PML: variants seen among roughly 807,000 people sequenced by gnomAD.
PML encodes the protein PML nuclear body scaffold, also known as protein PML.
A neutral mutation model predicts 65.2 loss-of-function variants in PML; 28 were observed. The ratio of observed to expected loss-of-function variants is 0.43; its 90% CI spans 0.32 to 0.59. PML has a LOEUF of 0.59. Among genes scored for constraint, PML ranks in the 20% least tolerant of loss-of-function variants. The pLI is 0.08. For synonymous variants in PML, 500 were observed against 508.8 expected, an observed-to-expected ratio of 0.98 and a Z score of 0.23; for missense variants, 1,021 against 1,203.4, an observed-to-expected ratio of 0.85 and a Z score of 2.24.
Position 74,043,415 on chromosome 15 carries a change from G to A in PML, c.1861+276G>A, listed in dbSNP as rs1171348049. ...GACCAGTTCTTCTCTCAGACAGAGA[G>A]CCTGGGGAACACACTCCTAGACAGA... On this transcript the variant is annotated intron_variant, in intron 8 of 8. Transcript: ENST00000268058. This position sits in a 1 kb window ranked among gnomAD's most constrained non-coding sequence, Gnocchi z 4.3. 30 of 1,412,922 alleles carry A rather than the reference G, an allele frequency of 2.1e-5. No individual in the cohort carries two copies. Among genetic ancestry groups the A allele is most frequent in the East Asian group, 7.8e-5 (3 of 38,662 alleles). The allele number at this position is 1,412,922 out of a possible 1,614,324, so 87.5% of individuals were successfully genotyped here.
chr15:74,046,941 G>C lies in PML; in HGVS notation c.*1933G>C. The C allele has an allele frequency of 4.3e-6, 1 of 229,938 alleles. No homozygotes were observed. The highest frequency in any genetic ancestry group is 8.6e-6 in the Non-Finnish European group (1 of 115,896). The allele number at this position is 229,938 out of a possible 1,614,324, so 14.2% of individuals were successfully genotyped here. On this transcript the variant is annotated 3_prime_UTR_variant, in exon 9 of 9. Transcript: ENST00000268058. ...GACTTAGCAGAGCTGAGAGCCCTTTGTTGCTCAATGCTGTGAGCCTTAAGC... is the reference window on the plus strand; with the variant it reads ...GACTTAGCAGAGCTGAGAGCCCTTTCTTGCTCAATGCTGTGAGCCTTAAGC...
chr15:74,021,511 G>T (rs1008503141), intron 2 of PML, among the ~76,000 whole-genome samples: 6 of 152,088 alleles, frequency 3.9e-5, no homozygotes, highest in African/African-American at 1.4e-4. Context: ...CTTGAACCCG[G>T]GAGGCAGAGG....
At chr15:74,002,875 C>A (rs1288832069) in intron 2 of PML, among the ~76,000 whole-genome samples, 1 of 152,128 alleles carries the variant, frequency 6.6e-6, no homozygotes, top group African/African-American at 2.4e-5. Flanking sequence ...CCTGTAATCC[C>A]AACACTTTGG....
chr15:74,018,822 G>A lies in PML; in HGVS notation c.603-4006G>A, dbSNP rs377338200. Among the ~76,000 whole-genome samples, 203 of 152,300 alleles carry A rather than the reference G, an allele frequency of 1.3e-3. 1 individual carries two copies. The highest frequency in any genetic ancestry group is 4.7e-3 in the African/African-American group (194 of 41,552). ...GTGGTGTTTTTGCTTATTGTTTTGA[G>A]TATTCCAGAAGCAAATAGATGTTAT... On this transcript the variant is annotated intron_variant, in intron 2 of 8. Coordinates refer to ENST00000268058, the MANE Select transcript of PML (RefSeq NM_033238.3).
Position 74,044,312 on chromosome 15 carries a change from G to A in PML, c.1953G>A (p.Lys651=). 6.2e-7 allele frequency: 1 copy of A among 1,614,130 alleles called. No individual in the cohort carries two copies. The highest frequency in any genetic ancestry group is 1.1e-5 in the South Asian group (1 of 91,086). ...AAGCCTTCTTCAGCATCTACTCCAA[G>A]GCCGTGTCCCTGGAGGTGGGGCTGC... The part of the protein sequence containing the change: ...QPEAFFSIYS[K]AVSLEVGLQH... The change falls in exon 9 of 9, where the codon AAG becomes AAA. Residue 651 remains lysine, a synonymous_variant. Transcript: ENST00000268058.
At chr15:74,014,388 G>A (rs1196381607) in intron 2 of PML, among the ~76,000 whole-genome samples, 1 of 151,792 alleles carries the variant, frequency 6.6e-6, no homozygotes, top group Non-Finnish European at 1.5e-5. Context: ...CAGTAGCGCA[G>A]TGGCGTGATC....
In PML at chr15:73,998,174, C is replaced by T; in HGVS notation, c.300C>T (p.Asp100=). Residue 100 remains aspartate (D), a synonymous_variant, in exon 2 of 9, where the codon GAC becomes GAT. Transcript: ENST00000268058. ...ICQAPWPLGA[D]TPALDNVFFE... is the part of the protein sequence containing the mutation. Reference sequence around the variant, plus strand: ...AGGCGCCCTGGCCCCTAGGTGCAGACACACCCGCCCTGGATAACGTCTTTT... The same window carrying T: ...AGGCGCCCTGGCCCCTAGGTGCAGATACACCCGCCCTGGATAACGTCTTTT... The T allele has an allele frequency of 6.2e-7, 1 of 1,614,220 alleles. No individual in the cohort carries two copies. Among genetic ancestry groups the T allele is most frequent in the Non-Finnish European group, 8.5e-7 (1 of 1,180,036 alleles).
Position 74,035,783 on chromosome 15 carries a change from C to T in PML, c.1710+1253C>T, listed in dbSNP as rs145127312. The stretch of plus-strand genomic sequence containing the variant: ...TGGTGGGGGCAGGGGAAAGCAGAGC[C>T]CAGACTCTTGGAGCAGGTGTTCCCC... On this transcript the variant is annotated intron_variant, in intron 7 of 8. Coordinates refer to ENST00000268058, the MANE Select transcript of PML (RefSeq NM_033238.3). The surrounding 1 kb of genome is among the most constrained non-coding windows in gnomAD (Gnocchi z 4.1). 6.2e-6 allele frequency: 10 copies of T among 1,613,988 alleles called. No individual in the cohort carries two copies. In the African/African-American group the frequency reaches 1.2e-4, roughly 19 times the overall value.
In PML at chr15:74,043,347, C is replaced by T. The variant is rs1294439526; in HGVS notation, c.1861+208C>T. 1 of 1,449,250 alleles carries T rather than the reference C, an allele frequency of 6.9e-7. No individual in the cohort carries two copies. The highest frequency in any genetic ancestry group is 2.5e-5 in the East Asian group (1 of 40,332). The allele number at this position is 1,449,250 out of a possible 1,614,324, so 89.8% of individuals were successfully genotyped here. A position where few individuals can be genotyped will look rare whatever the true frequency, so the allele number is the denominator to read the frequency against. ...TAAAGATGTCCGCCTTATCCAGTGC[C>T]TGAGTGTGCGAGAGAGGCAGATGCC... On this transcript the variant is annotated intron_variant, in intron 8 of 8. Coordinates refer to ENST00000268058, the MANE Select transcript of PML (RefSeq NM_033238.3). The surrounding 1 kb of genome is among the most constrained non-coding windows in gnomAD (Gnocchi z 4.3).
At chr15:74,030,954 A>AT (rs750270082) in intron 4 of PML, among the ~76,000 whole-genome samples, 8 of 151,750 alleles carry the variant, frequency 5.3e-5, no homozygotes, top group Admixed American at 5.2e-4. Context: ...AAATGATTAA[A>AT]TTTTTTTCTT....
rs982973787 is a variant in PML, at chr15:74,047,176, T to G, written c.*2168T>G. On this transcript the variant is annotated 3_prime_UTR_variant, in exon 9 of 9. Coordinates refer to ENST00000268058, the MANE Select transcript of PML (RefSeq NM_033238.3). ...TGTACTTCTCTCTGTGTTCCTTGAG[T>G]GACAGGTGGTAAAACCCTTAAAAAG... 4 of 231,014 alleles carry G rather than the reference T, an allele frequency of 1.7e-5. No homozygotes were observed. The highest frequency in any genetic ancestry group is 3.4e-5 in the Non-Finnish European group (4 of 116,752). The allele number at this position is 231,014 out of a possible 1,614,324, so 14.3% of individuals were successfully genotyped here.
In PML at chr15:74,016,866, G is replaced by T. The variant is rs184085276; in HGVS notation, c.603-5962G>T. Among the ~76,000 whole-genome samples, 109 of 130,506 alleles carry T rather than the reference G, an allele frequency of 8.4e-4. 1 individual carries two copies. The highest frequency in any genetic ancestry group is 7.4e-3 in the Admixed American group (80 of 10,860). The allele number at this position is 130,506 out of a possible 152,430, so 85.6% of individuals were successfully genotyped here. A position where few individuals can be genotyped will look rare whatever the true frequency, so the allele number is the denominator to read the frequency against. ...GGCTGGAGTGCAGTGGTGCGATCTT[G>T]GCTCACTGCAAGCTCCGCCTCCCGG... On this transcript the variant is annotated intron_variant, in intron 2 of 8. Transcript: ENST00000268058.
chr15:74,036,630 T>C (rs2071569828), intron 7 of PML, among the ~76,000 whole-genome samples: 1 of 152,028 alleles, frequency 6.6e-6, no homozygotes, highest in African/African-American at 2.4e-5. Context: ...CCTCTCAGGG[T>C]GGGCCCCATG....
chr15:74,029,125 C>G lies in PML; in HGVS notation c.1255-3447C>G, dbSNP rs143372781. ...GCACCATTTGACATTTCCACCAGCACCGTGTAAAAGTTTCGACTTCTCTAC... is the reference window on the plus strand; with the variant it reads ...GCACCATTTGACATTTCCACCAGCAGCGTGTAAAAGTTTCGACTTCTCTAC... On this transcript the variant is annotated intron_variant, in intron 4 of 8. Coordinates refer to ENST00000268058, the MANE Select transcript of PML (RefSeq NM_033238.3). 4.2e-4 allele frequency among the ~76,000 whole-genome samples: 64 copies of G among 152,222 alleles called. No individual in the cohort carries two copies. The East Asian group carries it at 0.012, about 27-fold the overall frequency.
At position 74,023,342 on chromosome 15, in the gene PML, A is replaced by T; in HGVS notation, c.1117A>T (p.Thr373Ser). ...CCAGAGCCTGCAAGCTGCCGTGCGC[A>T]CCGATGGCTTCGACGAGTTCAAGGT... is the stretch of plus-strand genomic sequence containing the variant. ...EPQSLQAAVR[T>S]DGFDEFKVRL... The change falls in exon 3 of 9, where the codon ACC (threonine) becomes TCC (serine). Residue 373 changes from threonine (T) to serine (S), a missense_variant. Coordinates refer to ENST00000268058, the MANE Select transcript of PML (RefSeq NM_033238.3). 6.2e-7 allele frequency: 1 copy of T among 1,604,638 alleles called. No individual in the cohort carries two copies. Among genetic ancestry groups the T allele is most frequent in the Non-Finnish European group, 8.5e-7 (1 of 1,179,928 alleles).
At chr15:74,011,644 G>A (rs149072686) in intron 2 of PML, among the ~76,000 whole-genome samples, 14 of 152,336 alleles carry the variant, frequency 9.2e-5, no homozygotes, top group African/African-American at 3.1e-4. Flanking sequence ...GGAATGGGCT[G>A]TTCAGGCTGC....
chr15:74,034,479 G>C lies in PML; in HGVS notation c.1659G>C (p.Glu553Asp). 6.2e-7 allele frequency: 1 copy of C among 1,614,140 alleles called. No individual in the cohort carries two copies. ...TGCATCTCCCCTTCCCCGTTTCAGA[G>C]GAACGCGTTGTGGTGATCAGCAGCT... ...NHVASGAGEA[E>D]ERVVVISSSE... Residue 553 changes from glutamate (E) to aspartate (D), a missense_variant and splice_region_variant, in exon 7 of 9, where the codon GAG becomes GAC. By Grantham distance (45) the Glu-to-Asp change is conservative. Transcript: ENST00000268058.
Position 74,037,019 on chromosome 15 carries a change from C to T in PML, c.1710+2489C>T. ...GCAGCTCCCTGCCCAGCAGAAAATC[C>T]TGGAAGGACTCAGGAGCTTGTCGCC... On this transcript the variant is annotated intron_variant, in intron 7 of 8. Transcript: ENST00000268058. This position sits in a 1 kb window ranked among gnomAD's most constrained non-coding sequence, Gnocchi z 4.2. The T allele has an allele frequency of 1.0e-6, 1 of 985,470 alleles. No homozygotes were observed. Among genetic ancestry groups the T allele is most frequent in the Non-Finnish European group, 1.2e-6 (1 of 829,932 alleles). The allele number at this position is 985,470 out of a possible 1,614,324, so 61.0% of individuals were successfully genotyped here. A position where few individuals can be genotyped will look rare whatever the true frequency, so the allele number is the denominator to read the frequency against.
chr15:74,032,434 G>T, intron 4 of PML, 138 bp from the exon 5 acceptor site: 1 of 869,368 alleles, frequency 1.2e-6, no homozygotes, highest in African/African-American at 1.7e-5. Context: ...TGTCCCCAGT[G>T]AGCTCGGAGC....
Sources: allele counts gnomAD v4.1 joint callset (sites outside exome capture counted in the v4.1 genomes callset), GRCh38; gene constraint gnomAD v4.1.1; non-coding constraint Gnocchi (gnomAD v3.1); transcripts MANE v1.5; gene names NCBI Gene and HGNC (gene_info 2026-07-23, HGNC 2026-07-21).